The following UBE2E2 variants were observed in gnomAD, a reference collection of about 807,000 sequenced individuals.
UBE2E2 encodes the protein ubiquitin-conjugating enzyme E2 E2.
A neutral mutation model predicts 24.7 loss-of-function variants in UBE2E2; 6 were observed. The observed-to-expected ratio is 0.24, with a 90% CI of 0.13 to 0.48. The LOEUF is 0.48. Among genes scored for constraint, UBE2E2 ranks in the 20% least tolerant of loss-of-function variants. The pLI is 0.99. For synonymous variants in UBE2E2, 104 were observed against 83.6 expected (o/e 1.24, Z -1.33); for missense variants, 169 against 245.0 (o/e 0.69, Z 2.07).
intron 3 of UBE2E2, among the ~76,000 whole-genome samples, chr3:23,349,189 A>G (rs1337742113): frequency 6.6e-6 from 1 of 152,132 alleles, no homozygotes; most frequent in Non-Finnish European, 1.5e-5. Context: ...TGATGCTGAG[A>G]AGTGAAGCTC....
intron 3 of UBE2E2, among the ~76,000 whole-genome samples, chr3:23,317,206 A>T (rs1694606545): frequency 6.6e-6 from 1 of 152,154 alleles, no homozygotes. Context: ...CTTGTGGCCT[A>T]GACAGCCTTT....
At chr3:23,212,989 A>G (rs1696371445) in intron 2 of UBE2E2, among the ~76,000 whole-genome samples, 1 of 152,068 alleles carries the variant, frequency 6.6e-6, no homozygotes, top group South Asian at 2.1e-4. Context: ...TAGTTGCATG[A>G]TGCTTTTTTG....
intron 3 of UBE2E2, among the ~76,000 whole-genome samples, chr3:23,272,193 G>A (rs6795043): frequency 0.043 from 6,476 of 152,250 alleles, 474 homozygotes; most frequent in African/African-American, 0.15. Context: ...GAGGCCTGGC[G>A]AGAGTTCGAG....
intron 3 of UBE2E2, among the ~76,000 whole-genome samples, chr3:23,251,267 TTC>T (rs1254533414): frequency 6.6e-6 from 1 of 152,138 alleles, no homozygotes; most frequent in African/African-American, 2.4e-5. Flanking sequence ...CATCGTTAGC[TTC>T]TCTCAGATTT....
chr3:23,589,621 G>T lies in UBE2E2; in HGVS notation c.509-113G>T. ...GCTCAGCCGCAGCAATGGTGGTCCA[G>T]GTTAGAACAGCAGCTTCTCATCTCC... is the stretch of plus-strand genomic sequence containing the variant. On this transcript the variant is annotated intron_variant, in intron 5 of 5. Coordinates refer to ENST00000396703, the MANE Select transcript of UBE2E2 (RefSeq NM_152653.4). This position sits in a 1 kb window ranked among gnomAD's most constrained non-coding sequence, Gnocchi z 4.1. The T allele has an allele frequency of 9.4e-7, 1 of 1,067,672 alleles. No individual in the cohort carries two copies. The highest frequency in any genetic ancestry group is 1.5e-5 in the South Asian group (1 of 65,236). The allele number at this position is 1,067,672 out of a possible 1,614,324, so 66.1% of individuals were successfully genotyped here. A position where few individuals can be genotyped will look rare whatever the true frequency, so the allele number is the denominator to read the frequency against.
chr3:23,460,585 A>T (rs1698787001), intron 3 of UBE2E2, among the ~76,000 whole-genome samples: 1 of 152,182 alleles, frequency 6.6e-6, no homozygotes, highest in Non-Finnish European at 1.5e-5. Flanking sequence ...AATACCGATA[A>T]TATAAAGTGG....
chr3:23,257,126 A>G (rs769616026), intron 3 of UBE2E2, among the ~76,000 whole-genome samples: 6 of 152,196 alleles, frequency 3.9e-5, no homozygotes, highest in Non-Finnish European at 7.3e-5. Context: ...AGCTATTGTA[A>G]TAAGTTCTTC....
chr3:23,288,393 C>G (rs1051215392), intron 3 of UBE2E2, among the ~76,000 whole-genome samples: 1 of 152,054 alleles, frequency 6.6e-6, no homozygotes, highest in African/African-American at 2.4e-5. Context: ...ATTCTGCAGC[C>G]GTGGGACAAA....
At chr3:23,469,101 T>A (rs887097888) in intron 3 of UBE2E2, among the ~76,000 whole-genome samples, 6 of 152,152 alleles carry the variant, frequency 3.9e-5, no homozygotes, top group Admixed American at 3.9e-4. Flanking sequence ...AGGCTGGATG[T>A]ACAAGATCAG....
chr3:23,376,968 T>G (rs1313856936), intron 3 of UBE2E2, among the ~76,000 whole-genome samples: 5 of 152,194 alleles, frequency 3.3e-5, no homozygotes, highest in African/African-American at 1.2e-4. Flanking sequence ...TAGCAGAACA[T>G]AAATCATTCA....
At chr3:23,445,710 T>C (rs1190360889) in intron 3 of UBE2E2, among the ~76,000 whole-genome samples, 2 of 152,214 alleles carry the variant, frequency 1.3e-5, no homozygotes, top group East Asian at 3.8e-4. Flanking sequence ...CTCCTGAATG[T>C]GCCTGTGCCT....
At chr3:23,242,301 G>C (rs1211533580) in intron 3 of UBE2E2, among the ~76,000 whole-genome samples, 1 of 151,882 alleles carries the variant, frequency 6.6e-6, no homozygotes, top group African/African-American at 2.4e-5. Flanking sequence ...AAGGTCTGCT[G>C]TATAGTAGTA....
At chr3:23,375,247 T>C (rs1469066087) in intron 3 of UBE2E2, among the ~76,000 whole-genome samples, 1 of 152,200 alleles carries the variant, frequency 6.6e-6, no homozygotes, top group Non-Finnish European at 1.5e-5. Context: ...TCTAATTTTA[T>C]AATTGACCCA....
At chr3:23,423,503 A>G (rs1697852815) in intron 3 of UBE2E2, among the ~76,000 whole-genome samples, 1 of 152,082 alleles carries the variant, frequency 6.6e-6, no homozygotes, top group Admixed American at 6.5e-5. Context: ...ATGGTTAACA[A>G]TTGTTTATTT....
intron 3 of UBE2E2, among the ~76,000 whole-genome samples, chr3:23,252,620 C>T (rs1374445422): frequency 6.6e-6 from 1 of 152,204 alleles, no homozygotes; most frequent in Non-Finnish European, 1.5e-5. Flanking sequence ...CCTCAGCCTC[C>T]TCAGTAGCTG....
At chr3:23,536,716 A>G (rs1695272408) in intron 5 of UBE2E2, among the ~76,000 whole-genome samples, 1 of 152,268 alleles carries the variant, frequency 6.6e-6, no homozygotes, top group Non-Finnish European at 1.5e-5. Flanking sequence ...AAAATAATCC[A>G]GAAAGATTGT....
At chr3:23,552,489 A>G (rs1695669070) in intron 5 of UBE2E2, among the ~76,000 whole-genome samples, 1 of 152,202 alleles carries the variant, frequency 6.6e-6, no homozygotes, top group African/African-American at 2.4e-5. Context: ...GTTGCTTTTC[A>G]TCTAGGCACA....
intron 3 of UBE2E2, among the ~76,000 whole-genome samples, chr3:23,460,034 C>T (rs1293935693): frequency 6.6e-6 from 1 of 152,138 alleles, no homozygotes; most frequent in Non-Finnish European, 1.5e-5. Flanking sequence ...ATGAAGAATT[C>T]CTGGCAAGAA....
intron 1 of UBE2E2, among the ~76,000 whole-genome samples, chr3:23,205,129 A>G (rs1696112641): frequency 6.6e-6 from 1 of 152,214 alleles, no homozygotes; most frequent in Admixed American, 6.5e-5. Context: ...AAGAAGTAAC[A>G]ATATGTAAGC....
Sources: gnomAD v4.1 joint callset for allele counts (sites outside exome capture counted in the v4.1 genomes callset) on GRCh38, gnomAD v4.1.1 for gene constraint, Gnocchi (gnomAD v3.1) non-coding constraint, MANE v1.5 for transcripts, NCBI Gene and HGNC (gene_info 2026-07-23, HGNC 2026-07-21) for gene names.